Variants in SLC22A23 observed in about 807,000 individuals in gnomAD.
SLC22A23 encodes the protein solute carrier family 22 member 23.
A neutral mutation model predicts 61.0 loss-of-function variants in SLC22A23; 26 were observed. The ratio of observed to expected loss-of-function variants is 0.43; its 90% CI spans 0.31 to 0.59. The LOEUF is 0.59. Among genes scored for constraint, SLC22A23 ranks in the 20% least tolerant of loss-of-function variants. The pLI, the probability that SLC22A23 is intolerant of heterozygous loss-of-function variation, is 0.11. For synonymous variants in SLC22A23, 430 were observed against 413.9 expected (o/e 1.04, Z -0.47); for missense variants, 796 against 934.7 (o/e 0.85, Z 1.94).
rs558623022 is a variant in SLC22A23, at chr6:3,304,129, G to A, written c.1083-5911C>T. On this transcript the variant is annotated intron_variant, in intron 4 of 9. Transcript: ENST00000406686. The surrounding 1 kb of genome is among the most constrained non-coding windows in gnomAD (Gnocchi z 4.3). ...GGGCCCACGGAGCCCTTGCCCTTCA[G>A]GAGAAAAGTCTCTCCTTGTCCCAGA... is the stretch of plus-strand genomic sequence containing the variant. Among the ~76,000 whole-genome samples the A allele has an allele frequency of 6.6e-6, 1 of 152,328 alleles. No homozygotes were observed. The highest frequency in any genetic ancestry group is 2.4e-5 in the African/African-American group (1 of 41,572).
At chr6:3,455,105 C>T (rs1009520476) in intron 1 of SLC22A23, among the ~76,000 whole-genome samples, 1 of 152,176 alleles carries the variant, frequency 6.6e-6, no homozygotes, top group African/African-American at 2.4e-5. Context: ...TGTGTTTAGG[C>T]CTTCACACTT....
At chr6:3,425,583 C>T (rs941004116) in intron 1 of SLC22A23, among the ~76,000 whole-genome samples, 6 of 152,004 alleles carry the variant, frequency 3.9e-5, no homozygotes, top group African/African-American at 1.5e-4. Flanking sequence ...CGCACCCGGC[C>T]GAATAATTAT....
At position 3,449,588 on chromosome 6, in the gene SLC22A23, C is replaced by G. The variant is rs115008307; in HGVS notation, c.654+6318G>C. Reference sequence around the variant, plus strand: ...AAAAGATGTTTAACTTCCTTCATAACAAGAGAAATGCAAGTCACAACCACC... The same window carrying G: ...AAAAGATGTTTAACTTCCTTCATAAGAAGAGAAATGCAAGTCACAACCACC... On this transcript the variant is annotated intron_variant, in intron 1 of 9. Coordinates refer to ENST00000406686, the MANE Select transcript of SLC22A23 (RefSeq NM_015482.2). Among the ~76,000 whole-genome samples, 1,305 of 152,276 alleles carry G rather than the reference C, an allele frequency of 8.6e-3. 11 individuals carry two copies. Among genetic ancestry groups the G allele is most frequent in the Non-Finnish European group, 0.014 (932 of 68,024 alleles).
At chr6:3,284,943 C>T (rs1759833648) in intron 8 of SLC22A23, 136 bp downstream of exon 8, 9 of 1,546,882 alleles carry the variant, frequency 5.8e-6, no homozygotes, top group Non-Finnish European at 7.8e-6. Context: ...AACCTACGGC[C>T]AACTTCAGCT....
intron 3 of SLC22A23, among the ~76,000 whole-genome samples, chr6:3,371,835 G>A (rs1766237885): frequency 6.6e-6 from 1 of 152,018 alleles, no homozygotes; most frequent in Non-Finnish European, 1.5e-5. Context: ...AACCTAAGAT[G>A]CCATCGATTT....
In SLC22A23 at chr6:3,273,011, C is replaced by T; in HGVS notation, c.*44G>A. On this transcript the variant is annotated 3_prime_UTR_variant, in exon 10 of 10. Transcript: ENST00000406686. ...CGGTCCCTGGTCTGTAAACCTGTGC[C>T]CAAGCTGCCCCAGACCCTGGAGCCC... 5 of 1,487,612 alleles carry T rather than the reference C, an allele frequency of 3.4e-6. No homozygotes were observed. The highest frequency in any genetic ancestry group is 4.5e-6 in the Non-Finnish European group (5 of 1,119,746). 92.2% of individuals were successfully genotyped at this position (1,487,612 alleles called of 1,614,324 possible).
intron 3 of SLC22A23, among the ~76,000 whole-genome samples, chr6:3,371,369 T>C (rs149763507): frequency 6.6e-6 from 1 of 152,374 alleles, no homozygotes; most frequent in Non-Finnish European, 1.5e-5. Context: ...AATAAAACTT[T>C]ATTTGTGGAC....
chr6:3,417,282 G>T (rs1769788151), intron 1 of SLC22A23, among the ~76,000 whole-genome samples: 1 of 152,172 alleles, frequency 6.6e-6, no homozygotes, highest in Admixed American at 6.5e-5. Context: ...CTTTCCAGAG[G>T]TCTGAGGAGG....
chr6:3,436,199 G>A (rs368758338), intron 1 of SLC22A23, among the ~76,000 whole-genome samples: 21 of 152,100 alleles, frequency 1.4e-4, no homozygotes, highest in African/African-American at 4.3e-4. Context: ...GAGTGCAATG[G>A]TGTGATATCG....
At chr6:3,278,420 C>T (rs1388638580) in intron 9 of SLC22A23, among the ~76,000 whole-genome samples, 1 of 152,240 alleles carries the variant, frequency 6.6e-6, no homozygotes, top group East Asian at 1.9e-4. Context: ...GATACTCAAA[C>T]TCCTCCCAGG....
rs749606534 is a variant in SLC22A23 at position 3,456,141 on chromosome 6, A to G, written c.419T>C (p.Val140Ala). Residue 140 changes from valine to alanine, a missense_variant, in exon 1 of 10, where the codon GTC becomes GCC. Physicochemically the swap from Val to Ala is moderately conservative, Grantham distance 64 (BLOSUM62 0). Coordinates refer to ENST00000406686, the MANE Select transcript of SLC22A23 (RefSeq NM_015482.2). The surrounding 1 kb of genome is among the most constrained non-coding windows in gnomAD (Gnocchi z 7.1). ...GAGKGTELAG[V>A]TTTGRGGDMG... ...GTCCCCGCCCCGGCCTGTGGTGGTG[A>G]CCCCTGCCAGCTCGGTGCCTTTGCC... 25 of 1,550,484 alleles carry G rather than the reference A, an allele frequency of 1.6e-5. 1 individual carries two copies. In the South Asian group the frequency reaches 2.7e-4, roughly 17 times the overall value.
chr6:3,432,197 C>G, intron 1 of SLC22A23: 9 of 985,404 alleles, frequency 9.1e-6, no homozygotes, highest in Non-Finnish European at 1.1e-5. Flanking sequence ...GAGCCCAGTG[C>G]TCCTTGCCCA....
At chr6:3,307,501 C>T (rs1762065070) in intron 4 of SLC22A23, among the ~76,000 whole-genome samples, 1 of 152,270 alleles carries the variant, frequency 6.6e-6, no homozygotes, top group African/African-American at 2.4e-5. Context: ...GATACCAGTG[C>T]CTTTAGCCTT....
chr6:3,393,905 T>C (rs1173462196), intron 3 of SLC22A23, among the ~76,000 whole-genome samples: 1 of 152,088 alleles, frequency 6.6e-6, no homozygotes, highest in African/African-American at 2.4e-5. Context: ...CCTGTGCCCT[T>C]CCCTCCTCTC....
At chr6:3,289,723 G>A in intron 6 of SLC22A23, 41 bp downstream of exon 6, 3 of 1,555,422 alleles carry the variant, frequency 1.9e-6, no homozygotes, top group Non-Finnish European at 2.6e-6. Flanking sequence ...TTCTTCCCTG[G>A]CCCCCTCCCA....
At chr6:3,429,760 A>G (rs985969602) in intron 1 of SLC22A23, among the ~76,000 whole-genome samples, 2 of 152,244 alleles carry the variant, frequency 1.3e-5, no homozygotes, top group African/African-American at 4.8e-5. Context: ...CTACACATGG[A>G]TGAACCTTGA....
chr6:3,335,268 G>A (rs1003116908), intron 3 of SLC22A23, among the ~76,000 whole-genome samples: 2 of 152,308 alleles, frequency 1.3e-5, no homozygotes, highest in East Asian at 3.9e-4. Flanking sequence ...TGCATTCTCA[G>A]CAGCGGCGGA....
intron 1 of SLC22A23, among the ~76,000 whole-genome samples, chr6:3,447,898 T>TC (rs1491426351): frequency 4.9e-4 from 62 of 126,828 alleles, no homozygotes; most frequent in African/African-American, 1.9e-3. Context: ...TCTCTCTCTC[T>TC]TTTTTTTTTT....
chr6:3,435,721 A>G (rs1771164697), intron 1 of SLC22A23, among the ~76,000 whole-genome samples: 1 of 152,180 alleles, frequency 6.6e-6, no homozygotes, highest in African/African-American at 2.4e-5. Context: ...CCTGCCCCTA[A>G]CAAGATATGC....
Sources: gnomAD v4.1 joint callset for allele counts (sites outside exome capture counted in the v4.1 genomes callset) on GRCh38, gnomAD v4.1.1 for gene constraint, Gnocchi (gnomAD v3.1) non-coding constraint, MANE v1.5 for transcripts, NCBI Gene and HGNC (gene_info 2026-07-23, HGNC 2026-07-21) for gene names.